The following PKHD1L1 variants were observed in gnomAD, a reference collection of about 807,000 sequenced individuals.
PKHD1L1 encodes fibrocystin-L.
PKHD1L1 carries 434 observed loss-of-function variants against 462.9 expected under a neutral mutation model. That is an observed-to-expected ratio of 0.94 (90% CI 0.87 to 1.02). The LOEUF is 1.02. Ranked by LOEUF, PKHD1L1 falls within the 50% of genes least tolerant of loss-of-function variation. The pLI, the probability that PKHD1L1 is intolerant of heterozygous loss-of-function variation, is 0.00. For missense variants in PKHD1L1, 5,202 were observed against 5,096.1 expected (o/e 1.02, Z -0.63); for synonymous variants, 1,781 against 1,750.0 (o/e 1.02, Z -0.44).
At chr8:109,429,861 T>G in intron 26 of PKHD1L1, 71 bp from the exon 27 acceptor site, 1 of 987,150 alleles carries the variant, frequency 1.0e-6, no homozygotes, top group Non-Finnish European at 1.6e-6. Context: ...ATCACTTTTG[T>G]TAAAACCTAT....
At chr8:109,508,320 T>C (rs773006512) in intron 70 of PKHD1L1, 56 bp downstream of exon 70, 48 of 1,484,444 alleles carry the variant, frequency 3.2e-5, no homozygotes, top group Non-Finnish European at 4.3e-5. Context: ...TGTTATTAAA[T>C]GCATGAAGCC....
chr8:109,515,157 T>C lies in PKHD1L1; in HGVS notation c.11554-13T>C, dbSNP rs1820200146. 1.1e-5 allele frequency: 17 copies of C among 1,537,052 alleles called. No individual in the cohort carries two copies. The highest frequency in any genetic ancestry group is 1.5e-5 in the Non-Finnish European group (17 of 1,141,280). The stretch of plus-strand genomic sequence containing the variant: ...ATTTTGTTGCTTTCTTAAAACTTTT[T>C]TTTCTTTAATAGGCTGTTCTAGTAG... On this transcript the variant is annotated splice_polypyrimidine_tract_variant and intron_variant, in intron 71 of 77. Coordinates refer to ENST00000378402, the MANE Select transcript of PKHD1L1 (RefSeq NM_177531.6).
At chr8:109,481,305 C>T (rs2130886939) in intron 55 of PKHD1L1, 128 bp from the exon 56 acceptor site, 1 of 800,608 alleles carries the variant, frequency 1.2e-6, no homozygotes, top group Non-Finnish European at 1.8e-6. Context: ...AGTTATAATG[C>T]TGTTCTTTAT....
intron 25 of PKHD1L1, among the ~76,000 whole-genome samples, chr8:109,428,129 C>A (rs998005293): frequency 1.3e-5 from 2 of 150,816 alleles, no homozygotes; most frequent in African/African-American, 2.4e-5. Flanking sequence ...ATTAGGACAA[C>A]CTTTTGGGAA....
chr8:109,519,336 T>C (rs933109201), intron 73 of PKHD1L1, among the ~76,000 whole-genome samples: 10 of 152,126 alleles, frequency 6.6e-5, no homozygotes, highest in African/African-American at 1.9e-4. Flanking sequence ...TGCTCAGCTC[T>C]TCAAATTTTC....
intron 29 of PKHD1L1, among the ~76,000 whole-genome samples, chr8:109,435,932 G>C (rs973241551): frequency 2.0e-5 from 3 of 151,994 alleles, no homozygotes; most frequent in Non-Finnish European, 4.4e-5. Flanking sequence ...CTTTTACTTA[G>C]AGGTATTAAA....
In PKHD1L1 at chr8:109,362,564, G is replaced by T. The variant is rs748721794; in HGVS notation, c.-17G>T. 5.0e-6 allele frequency: 8 copies of T among 1,599,250 alleles called. No homozygotes were observed. In the East Asian group the frequency reaches 1.4e-4, roughly 27 times the overall value. On this transcript the variant is annotated 5_prime_UTR_variant, in exon 1 of 78. Coordinates refer to ENST00000378402, the MANE Select transcript of PKHD1L1 (RefSeq NM_177531.6). ...GCTGCGAGCGGAGGGCACCAACTCC[G>T]CAGAACTGGCTTTTCAATGGGACAC...
intron 21 of PKHD1L1, among the ~76,000 whole-genome samples, chr8:109,414,998 ATTATTATTATTATTT>A (rs1035393065): frequency 8.2e-6 from 1 of 122,248 alleles, no homozygotes; most frequent in Admixed American, 8.1e-5. Context: ...TATTATTATT[ATTATTATTATTATTT>A]TTGAGACAGG....
At chr8:109,483,163 A>G in intron 57 of PKHD1L1, 58 bp downstream of exon 57, 6 of 1,261,198 alleles carry the variant, frequency 4.8e-6, no homozygotes, top group Non-Finnish European at 6.4e-6. Flanking sequence ...AGCTGAAAAA[A>G]GTTTCTATTC....
In PKHD1L1 at chr8:109,498,688, C is replaced by T; in HGVS notation, c.10745C>T (p.Ala3582Val). The change falls in exon 67 of 78, where the codon GCT becomes GTT. Residue 3582 changes from alanine to valine, a missense_variant. Transcript: ENST00000378402. The part of the protein sequence containing the change: ...GRSGICWPTF[A>V]SAHNMAPRKP... ...AGTGGGATTTGTTGGCCTACCTTTG[C>T]TTCAGCTCATAACATGGCACCCCGA... 1 of 1,613,906 alleles carries T rather than the reference C, an allele frequency of 6.2e-7. No individual in the cohort carries two copies.
chr8:109,451,265 G>A lies in PKHD1L1; in HGVS notation c.6350+116G>A, dbSNP rs566609942. Reference sequence around the variant, plus strand: ...ACAGTCATGCAATGTGTACCTATATGCTCGTAACTTAAGCTTAAGGCAAAA... The same window carrying A: ...ACAGTCATGCAATGTGTACCTATATACTCGTAACTTAAGCTTAAGGCAAAA... On this transcript the variant is annotated intron_variant, in intron 41 of 77. Transcript: ENST00000378402. 8.9e-6 allele frequency: 10 copies of A among 1,129,916 alleles called. No individual in the cohort carries two copies. In the East Asian group the frequency reaches 2.8e-4, roughly 31 times the overall value. 70.0% of individuals were successfully genotyped at this position (1,129,916 alleles called of 1,614,324 possible).
At chr8:109,485,012 G>A (rs773846516) in intron 57 of PKHD1L1, 32 bp from the exon 58 acceptor site, 1 of 1,529,334 alleles carries the variant, frequency 6.5e-7, no homozygotes, top group Admixed American at 2.1e-5. Context: ...TTTTAAAATT[G>A]TTCTTAAATT....
At chr8:109,520,062 A>G (rs1311010223) in intron 73 of PKHD1L1, among the ~76,000 whole-genome samples, 1 of 152,130 alleles carries the variant, frequency 6.6e-6, no homozygotes, top group Non-Finnish European at 1.5e-5. Context: ...AGTTTCTTCC[A>G]TTGGGGGGAT....
intron 59 of PKHD1L1, among the ~76,000 whole-genome samples, chr8:109,487,430 TCCTC>T (rs202032081): frequency 0.014 from 2,151 of 150,994 alleles, 24 homozygotes; most frequent in Middle Eastern, 0.051. Flanking sequence ...TTCCCCAGTA[TCCTC>T]CCTCCCTCCC....
At chr8:109,432,826 C>T (rs1815187143) in intron 27 of PKHD1L1, among the ~76,000 whole-genome samples, 1 of 152,110 alleles carries the variant, frequency 6.6e-6, no homozygotes, top group African/African-American at 2.4e-5. Context: ...TAATTTGTTT[C>T]TTTATCTTAT....
At position 109,466,784 on chromosome 8, in the gene PKHD1L1, T is replaced by A; in HGVS notation, c.8605+15T>A. On this transcript the variant is annotated intron_variant, in intron 50 of 77. Transcript: ENST00000378402. ...AGACTCTTTTGGTAAGTGGAATATA[T>A]TAGTTTAAACAACTAATTTAAATAT... 6.3e-7 allele frequency: 1 copy of A among 1,589,692 alleles called. No homozygotes were observed. Among genetic ancestry groups the A allele is most frequent in the Non-Finnish European group, 8.6e-7 (1 of 1,168,402 alleles).
At position 109,533,186 on chromosome 8, in the gene PKHD1L1, A is replaced by G. The variant is rs1821078154; in HGVS notation, c.*3096A>G. Among the ~76,000 whole-genome samples the G allele has an allele frequency of 6.6e-6, 1 of 152,180 alleles. No individual in the cohort carries two copies. The highest frequency in any genetic ancestry group is 2.1e-4 in the South Asian group (1 of 4,828). ...GTTTTTAATCCAAATTCCTGTTCAA[A>G]TTCTTGGTTTCTACTTTACCACTTC... On this transcript the variant is annotated 3_prime_UTR_variant, in exon 78 of 78. Coordinates refer to ENST00000378402, the MANE Select transcript of PKHD1L1 (RefSeq NM_177531.6).
In PKHD1L1 at chr8:109,381,225, A is replaced by G. The variant is rs951251662; in HGVS notation, c.164-145A>G. 10 of 732,990 alleles carry G rather than the reference A, an allele frequency of 1.4e-5. No individual in the cohort carries two copies. The South Asian group carries it at 1.4e-4, about 10-fold the overall frequency. The allele number at this position is 732,990 out of a possible 1,614,324, so 45.4% of individuals were successfully genotyped here. A position where few individuals can be genotyped will look rare whatever the true frequency, so the allele number is the denominator to read the frequency against. On this transcript the variant is annotated intron_variant, in intron 2 of 77. Coordinates refer to ENST00000378402, the MANE Select transcript of PKHD1L1 (RefSeq NM_177531.6). ...TTTTGTGCTTCCAAAGAAGATTACA[A>G]TCATAAGGATAAATATGAAATAGGT... is the stretch of plus-strand genomic sequence containing the variant.
At chr8:109,371,357 A>T (rs922515966) in intron 2 of PKHD1L1, among the ~76,000 whole-genome samples, 6 of 151,308 alleles carry the variant, frequency 4.0e-5, no homozygotes, top group East Asian at 1.9e-4. Flanking sequence ...GGTTGTTTGT[A>T]TTTTTCTTGT....
Sources: gnomAD v4.1 joint callset for allele counts (sites outside exome capture counted in the v4.1 genomes callset) on GRCh38, gnomAD v4.1.1 for gene constraint, MANE v1.5 for transcripts, NCBI Gene and HGNC (gene_info 2026-07-23, HGNC 2026-07-21) for gene names.